LIMCH1: variants seen among roughly 807,000 people sequenced by gnomAD.
The protein encoded by LIMCH1 is LIM and calponin homology domains 1.
In LIMCH1, 113 loss-of-function variants were observed where a neutral mutation model predicts 176.5. That is an observed-to-expected ratio of 0.64 (90% CI 0.55 to 0.75). LIMCH1 has a LOEUF of 0.75. Ranked by LOEUF, LIMCH1 falls within the 30% of genes least tolerant of loss-of-function variation. LIMCH1 has a pLI of 0.00. For missense variants in LIMCH1, 1,674 were observed against 1,814.9 expected, an observed-to-expected ratio of 0.92 and a Z score of 1.41; for synonymous variants, 619 against 645.9, an observed-to-expected ratio of 0.96 and a Z score of 0.63.
chr4:41,681,076 A>C lies in LIMCH1; in HGVS notation c.3717+17A>C. ...GGGACAATGGTGAGACCACAGATTA[A>C]AAGCAATTTGTGAAATAAATAAACC... On this transcript the variant is annotated intron_variant, in intron 25 of 31. Coordinates refer to ENST00000503057, the MANE Select transcript of LIMCH1 (RefSeq NM_001330672.2). 1 of 1,479,178 alleles carries C rather than the reference A, an allele frequency of 6.8e-7. No homozygotes were observed. Among genetic ancestry groups the C allele is most frequent in the Non-Finnish European group, 9.4e-7 (1 of 1,060,454 alleles). 91.6% of individuals were successfully genotyped at this position (1,479,178 alleles called of 1,614,324 possible).
intron 2 of LIMCH1, among the ~76,000 whole-genome samples, chr4:41,515,603 CACATCCTCAAGCTATG>C (rs1171491417): frequency 1.3e-5 from 2 of 152,226 alleles, no homozygotes. Flanking sequence ...TTACTTATTC[CACATCCTCAAGCTATG>C]ACTAGCAGGT....
chr4:41,417,185 A>G (rs572983392), intron 1 of LIMCH1, among the ~76,000 whole-genome samples: 4 of 150,998 alleles, frequency 2.6e-5, no homozygotes, highest in Admixed American at 6.6e-5. Context: ...GGGGTTATCT[A>G]TGATATGGGA....
chr4:41,612,499 G>A, intron 4 of LIMCH1: 2 of 701,838 alleles, frequency 2.8e-6, no homozygotes, highest in Non-Finnish European at 2.6e-6. Context: ...ATTAAATTGA[G>A]GTTTATCTTT....
intron 1 of LIMCH1, among the ~76,000 whole-genome samples, chr4:41,439,969 T>C (rs567212385): frequency 2.4e-4 from 36 of 152,304 alleles, no homozygotes; most frequent in Non-Finnish European, 4.4e-4. Flanking sequence ...GAAAACTTTA[T>C]TAATTCACTT....
intron 1 of LIMCH1, among the ~76,000 whole-genome samples, chr4:41,553,964 G>A (rs80156089): frequency 0.021 from 3,273 of 152,264 alleles, 115 homozygotes; most frequent in African/African-American, 0.074. Context: ...TTAGGCCAGA[G>A]CAAGTCAGGT....
At chr4:41,631,107 G>C in intron 9 of LIMCH1, 41 bp from the exon 10 acceptor site, 1 of 1,255,972 alleles carries the variant, frequency 8.0e-7, no homozygotes, top group African/African-American at 1.5e-5. Flanking sequence ...TTATTGATTT[G>C]TACTCAGACA....
intron 1 of LIMCH1, among the ~76,000 whole-genome samples, chr4:41,412,400 T>C (rs2059575743): frequency 6.6e-6 from 1 of 152,204 alleles, no homozygotes; most frequent in Admixed American, 6.5e-5. Flanking sequence ...TCTTTCACTT[T>C]TCGGGTTTGA....
intron 2 of LIMCH1, among the ~76,000 whole-genome samples, chr4:41,519,865 C>T (rs1014620187): frequency 3.3e-5 from 5 of 152,088 alleles, no homozygotes; most frequent in African/African-American, 7.2e-5. Context: ...AAACTGAGAC[C>T]CTGATTAAGA....
chr4:41,527,810 G>A lies in LIMCH1; in HGVS notation c.237+3332G>A, dbSNP rs190668085. Among the ~76,000 whole-genome samples, 244 of 120,768 alleles carry A rather than the reference G, an allele frequency of 2.0e-3. 1 individual carries two copies. Among genetic ancestry groups the A allele is most frequent in the African/African-American group, 5.1e-3 (159 of 31,096 alleles). The allele number at this position is 120,768 out of a possible 152,430, so 79.2% of individuals were successfully genotyped here. On this transcript the variant is annotated intron_variant, in intron 3 of 26. Coordinates refer to the LIMCH1 transcript ENST00000313860. The stretch of plus-strand genomic sequence containing the variant: ...TGCACTCCAGCCTGGGCGACAGAGC[G>A]AGACTCCGTCTCAAAAAAAAAAAAA...
At chr4:41,599,331 G>T (rs1223318791) in intron 2 of LIMCH1, among the ~76,000 whole-genome samples, 1 of 152,206 alleles carries the variant, frequency 6.6e-6, no homozygotes, top group East Asian at 1.9e-4. Flanking sequence ...CAGAATCAGT[G>T]TGTTAGACAA....
intron 1 of LIMCH1, among the ~76,000 whole-genome samples, chr4:41,584,199 T>C (rs932201970): frequency 1.3e-5 from 2 of 152,196 alleles, no homozygotes; most frequent in African/African-American, 4.8e-5. Flanking sequence ...GTGTGGAATA[T>C]ATCCTTTGTT....
At chr4:41,406,891 A>G (rs533970672) in intron 1 of LIMCH1, among the ~76,000 whole-genome samples, 46 of 152,172 alleles carry the variant, frequency 3.0e-4, no homozygotes, top group Non-Finnish European at 5.9e-4. Flanking sequence ...CAGAATTACC[A>G]TGCTTGAGGA....
intron 7 of LIMCH1, among the ~76,000 whole-genome samples, chr4:41,624,153 C>A (rs970207796): frequency 1.3e-5 from 2 of 152,050 alleles, no homozygotes; most frequent in Middle Eastern, 6.8e-3. Flanking sequence ...GAGAAGTAAA[C>A]TTTTTTTTGA....
upstream of LIMCH1, among the ~76,000 whole-genome samples, chr4:41,533,706 G>A (rs1178335901): frequency 6.6e-6 from 1 of 152,184 alleles, no homozygotes; most frequent in Non-Finnish European, 1.5e-5. Context: ...TGTTAATGAA[G>A]TATAATATGC....
intron 2 of LIMCH1, among the ~76,000 whole-genome samples, chr4:41,521,259 C>T (rs1309637717): frequency 1.3e-5 from 2 of 152,116 alleles, no homozygotes; most frequent in Non-Finnish European, 2.9e-5. Flanking sequence ...AGCTGTGCTT[C>T]AGATTAGCTG....
At chr4:41,458,448 AGAGAGTAG>A (rs1303504076) in intron 1 of LIMCH1, among the ~76,000 whole-genome samples, 2 of 152,078 alleles carry the variant, frequency 1.3e-5, no homozygotes, top group Non-Finnish European at 2.9e-5. Flanking sequence ...TTGGGCAAGG[AGAGAGTAG>A]GAGCCAAGGC....
intron 1 of LIMCH1, among the ~76,000 whole-genome samples, chr4:41,476,221 A>G (rs548706744): frequency 3.9e-5 from 6 of 152,290 alleles, no homozygotes; most frequent in African/African-American, 1.4e-4. Flanking sequence ...GTGTGGCCAC[A>G]AGGTCCCATT....
At chr4:41,435,299 T>A (rs558273444) in intron 1 of LIMCH1, among the ~76,000 whole-genome samples, 1 of 152,052 alleles carries the variant, frequency 6.6e-6, no homozygotes, top group Admixed American at 6.5e-5. Context: ...ATTTCGACGA[T>A]GAAGAAGGGA....
intron 18 of LIMCH1, among the ~76,000 whole-genome samples, chr4:41,656,035 G>C (rs374159338): frequency 2.0e-5 from 3 of 152,262 alleles, no homozygotes; most frequent in African/African-American, 7.2e-5. Flanking sequence ...CAGGTTCGTG[G>C]CAATTTTCCC....
Sources: allele counts gnomAD v4.1 joint callset (sites outside exome capture counted in the v4.1 genomes callset), GRCh38; gene constraint gnomAD v4.1.1; transcripts MANE v1.5; gene names NCBI Gene and HGNC (gene_info 2026-07-23, HGNC 2026-07-21).